RBFOX1: variants seen among roughly 807,000 people sequenced by gnomAD.
RBFOX1 encodes RNA binding fox-1 homolog 1, also known as RNA binding protein fox-1 homolog 1.
RBFOX1 carries 8 observed loss-of-function variants against 57.7 expected under a neutral mutation model. That is an observed-to-expected ratio of 0.14 (90% CI 0.08 to 0.25). The LOEUF (loss-of-function observed/expected upper bound fraction) is 0.25. Ranked by LOEUF, RBFOX1 falls within the 10% of genes least tolerant of loss-of-function variation. The pLI, the probability that RBFOX1 is intolerant of heterozygous loss-of-function variation, is 1.00. For missense variants in RBFOX1, 611 were observed against 548.5 expected (o/e 1.11, Z -1.14); for synonymous variants, 326 against 222.4 (o/e 1.47, Z -4.15).
intron 4 of RBFOX1, among the ~76,000 whole-genome samples, chr16:7,162,103 A>G (rs1457226393): frequency 6.6e-6 from 1 of 152,230 alleles, no homozygotes; most frequent in Non-Finnish European, 1.5e-5. Flanking sequence ...GTGTCTTGCC[A>G]GAGAAACCCC....
At chr16:7,321,043 CA>C (rs2096535283) in intron 4 of RBFOX1, among the ~76,000 whole-genome samples, 1 of 140,988 alleles carries the variant, frequency 7.1e-6, no homozygotes, top group South Asian at 2.3e-4. Flanking sequence ...AACTGGAGAC[CA>C]GAGAAATTAT....
chr16:7,547,526 A>G (rs2084929500), intron 5 of RBFOX1, among the ~76,000 whole-genome samples: 1 of 152,222 alleles, frequency 6.6e-6, no homozygotes, highest in South Asian at 2.1e-4. Flanking sequence ...AAAGACCAAC[A>G]TACTTTATTG....
chr16:6,844,659 AC>A (rs1772847391), intron 3 of RBFOX1, among the ~76,000 whole-genome samples: 1 of 152,088 alleles, frequency 6.6e-6, no homozygotes, highest in Non-Finnish European at 1.5e-5. Flanking sequence ...ATGTGCACAT[AC>A]CTTTATAAAA....
chr16:5,424,211 C>T (rs574475354), intron 1 of RBFOX1, among the ~76,000 whole-genome samples: 12 of 152,330 alleles, frequency 7.9e-5, no homozygotes, highest in Admixed American at 3.3e-4. Flanking sequence ...TCTTAGCACA[C>T]TGTGAACAGT....
intron 3 of RBFOX1, among the ~76,000 whole-genome samples, chr16:6,806,837 T>TA (rs1491107829): frequency 0.027 from 1,876 of 68,232 alleles, 31 homozygotes; most frequent in East Asian, 0.096. Context: ...TATATATATA[T>TA]TTTTTTTTTT....
At chr16:6,739,904 C>T (rs2071542525) in intron 3 of RBFOX1, among the ~76,000 whole-genome samples, 1 of 152,030 alleles carries the variant, frequency 6.6e-6, no homozygotes. Context: ...GTCCACATTC[C>T]ACTTTATTTT....
intron 4 of RBFOX1, among the ~76,000 whole-genome samples, chr16:7,166,002 G>A (rs1354264138): frequency 6.6e-6 from 1 of 150,796 alleles, no homozygotes; most frequent in Non-Finnish European, 1.5e-5. Context: ...TTGAAGGAGT[G>A]CATAGTCTAT....
chr16:6,038,098 C>T (rs2095390337), intron 1 of RBFOX1: 1 of 151,966 alleles, frequency 6.6e-6, no homozygotes, highest in Admixed American at 6.6e-5. Flanking sequence ...ACTCCGCAAA[C>T]CATATTTTCT....
intron 2 of RBFOX1, among the ~76,000 whole-genome samples, chr16:6,572,617 G>C (rs951644107): frequency 4.0e-5 from 6 of 151,218 alleles, no homozygotes; most frequent in African/African-American, 1.5e-4. Context: ...TTTTTAGACA[G>C]AGTCTCACTC....
intron 3 of RBFOX1, among the ~76,000 whole-genome samples, chr16:6,683,362 G>C (rs1421266438): frequency 6.6e-6 from 1 of 152,108 alleles, no homozygotes; most frequent in Non-Finnish European, 1.5e-5. Flanking sequence ...TCTTAGGTGT[G>C]ATTCATGGAA....
intron 1 of RBFOX1, among the ~76,000 whole-genome samples, chr16:5,374,860 C>T (rs550855025): frequency 6.6e-6 from 1 of 151,836 alleles, no homozygotes; most frequent in Non-Finnish European, 1.5e-5. Context: ...AATTTGTTTT[C>T]TCTCTTATCA....
chr16:5,892,175 A>G (rs755814250), intron 4 of RBFOX1, among the ~76,000 whole-genome samples: 10 of 152,226 alleles, frequency 6.6e-5, no homozygotes, highest in Non-Finnish European at 1.3e-4. Context: ...AAGAAAAAGC[A>G]GGACAGAGAG....
intron 1 of RBFOX1, among the ~76,000 whole-genome samples, chr16:5,460,597 G>C (rs925349821): frequency 6.6e-6 from 1 of 152,192 alleles, no homozygotes; most frequent in Non-Finnish European, 1.5e-5. Flanking sequence ...GTGAGGGCTC[G>C]GCTGACAGTG....
chr16:6,780,494 A>ATTTATATATG (rs2080783437), intron 3 of RBFOX1, among the ~76,000 whole-genome samples: 1 of 106,162 alleles, frequency 9.4e-6, no homozygotes, highest in African/African-American at 3.1e-5. Flanking sequence ...ATATTTATAT[A>ATTTATATATG]CATTTTTATA....
chr16:5,879,094 T>C (rs1375887375), intron 4 of RBFOX1, among the ~76,000 whole-genome samples: 1 of 152,196 alleles, frequency 6.6e-6, no homozygotes, highest in East Asian at 1.9e-4. Flanking sequence ...ATTGAGTAGA[T>C]ACTGGGAGAT....
At chr16:7,038,148 A>G (rs2045087612) in intron 3 of RBFOX1, among the ~76,000 whole-genome samples, 1 of 152,032 alleles carries the variant, frequency 6.6e-6, no homozygotes, top group Non-Finnish European at 1.5e-5. Context: ...ATCTTCGCTG[A>G]GATGCTCATT....
intron 4 of RBFOX1, among the ~76,000 whole-genome samples, chr16:7,201,858 T>A (rs943429913): frequency 3.3e-5 from 5 of 152,160 alleles, no homozygotes; most frequent in African/African-American, 1.2e-4. Context: ...GACTGTAGAC[T>A]GTAGATCAGA....
At chr16:6,131,035 G>A (rs912455148) in intron 1 of RBFOX1, among the ~76,000 whole-genome samples, 5 of 152,126 alleles carry the variant, frequency 3.3e-5, no homozygotes, top group African/African-American at 1.2e-4. Flanking sequence ...TATAAAGAGC[G>A]TAAGAGGCCA....
intron 3 of RBFOX1, among the ~76,000 whole-genome samples, chr16:6,767,807 A>G (rs954714655): frequency 1.3e-5 from 2 of 151,668 alleles, no homozygotes; most frequent in Non-Finnish European, 2.9e-5. Context: ...CCAGCTACTC[A>G]GGAGGCTCAG....
Sources: allele counts gnomAD v4.1 joint callset (sites outside exome capture counted in the v4.1 genomes callset), GRCh38; gene constraint gnomAD v4.1.1; transcripts MANE v1.5; gene names NCBI Gene and HGNC (gene_info 2026-07-23, HGNC 2026-07-21).